The following LGSN variants were observed in gnomAD, a reference collection of about 807,000 sequenced individuals.
LGSN encodes the protein lengsin.
Under a neutral mutation model 19.5 loss-of-function variants are expected in LGSN, and 21 were observed. The observed-to-expected ratio is 1.07, with a 90% CI of 0.76 to 1.55. The LOEUF is 1.55. LGSN is among the 40% of genes most tolerant of loss of function. The pLI, the probability that LGSN is intolerant of heterozygous loss-of-function variation, is 0.00. For synonymous variants in LGSN, 257 were observed against 215.6 expected, an observed-to-expected ratio of 1.19 and a Z score of -1.68; for missense variants, 673 against 608.5, an observed-to-expected ratio of 1.11 and a Z score of -1.12.
At chr6:63,527,204 G>A in the LGSN span, among the ~76,000 whole-genome samples, 3 of 152,244 alleles carry the variant, frequency 2.0e-5, 1 homozygote, top group Middle Eastern at 3.4e-3. Context: ...AGTCTGCTTT[G>A]AAGTGCTATA....
the LGSN span, among the ~76,000 whole-genome samples, chr6:63,390,227 T>C: frequency 7.0e-6 from 1 of 142,626 alleles, no homozygotes; most frequent in Non-Finnish European, 1.5e-5. Context: ...TCTTCCAGGG[T>C]CAAGCGATTC....
At chr6:63,459,241 A>AT in the LGSN span, among the ~76,000 whole-genome samples, 1 of 152,020 alleles carries the variant, frequency 6.6e-6, no homozygotes, top group Non-Finnish European at 1.5e-5. Context: ...CTCTCAAAAG[A>AT]TTTTTTTTAT....
At chr6:63,509,739 GA>G in the LGSN span, among the ~76,000 whole-genome samples, 1 of 152,170 alleles carries the variant, frequency 6.6e-6, no homozygotes, top group Admixed American at 6.5e-5. Flanking sequence ...AGAGCTAGGG[GA>G]AATCATAAGA....
the LGSN span, among the ~76,000 whole-genome samples, chr6:63,385,839 C>T: frequency 6.6e-6 from 1 of 152,066 alleles, no homozygotes; most frequent in Non-Finnish European, 1.5e-5. Flanking sequence ...CATGGTCAAC[C>T]CAATACATAT....
At chr6:63,428,575 TC>T in the LGSN span, among the ~76,000 whole-genome samples, 1 of 152,244 alleles carries the variant, frequency 6.6e-6, no homozygotes, top group Non-Finnish European at 1.5e-5. Flanking sequence ...GGTCTCGAAC[TC>T]CTGACCTCAA....
At chr6:63,516,568 A>T in the LGSN span, among the ~76,000 whole-genome samples, 1 of 152,110 alleles carries the variant, frequency 6.6e-6, no homozygotes, top group African/African-American at 2.4e-5. Context: ...TCCATTTGTA[A>T]GTTGGGCATG....
the LGSN span, among the ~76,000 whole-genome samples, chr6:63,524,131 C>T: frequency 5.9e-5 from 9 of 152,088 alleles, no homozygotes; most frequent in Admixed American, 2.0e-4. Flanking sequence ...ACTACAGGCC[C>T]GCACCACCAC....
the LGSN span, among the ~76,000 whole-genome samples, chr6:63,542,417 C>G: frequency 6.6e-6 from 1 of 151,860 alleles, no homozygotes; most frequent in African/African-American, 2.4e-5. Context: ...CCCCAATAAC[C>G]TATGGAAATA....
At chr6:63,302,146 T>A (rs1768205357) in intron 1 of LGSN, among the ~76,000 whole-genome samples, 1 of 152,200 alleles carries the variant, frequency 6.6e-6, no homozygotes. Flanking sequence ...CTCTGAGTTA[T>A]ATTTTATGAA....
At chr6:63,302,129 T>G (rs1163308906) in intron 1 of LGSN, among the ~76,000 whole-genome samples, 1 of 152,158 alleles carries the variant, frequency 6.6e-6, no homozygotes, top group Middle Eastern at 3.2e-3. Context: ...AAATGGTACT[T>G]AACATTCTCT....
At chr6:63,444,239 G>A in the LGSN span, among the ~76,000 whole-genome samples, 1 of 152,050 alleles carries the variant, frequency 6.6e-6, no homozygotes, top group Admixed American at 6.6e-5. Context: ...AAATAGATAT[G>A]GAAACAGAAA....
the LGSN span, among the ~76,000 whole-genome samples, chr6:63,415,711 T>C: frequency 6.6e-6 from 1 of 152,238 alleles, no homozygotes. Context: ...TTTCTTGAGA[T>C]AGCTAGAGCG....
the LGSN span, among the ~76,000 whole-genome samples, chr6:63,457,148 G>T: frequency 6.6e-6 from 1 of 152,040 alleles, no homozygotes; most frequent in African/African-American, 2.4e-5. Flanking sequence ...ACCAAATATT[G>T]GTTTGACTGA....
chr6:63,341,655 G>A, the LGSN span, among the ~76,000 whole-genome samples: 2 of 152,152 alleles, frequency 1.3e-5, no homozygotes, highest in East Asian at 3.9e-4. Flanking sequence ...CACTGGAAAG[G>A]AAGGGTCCAG....
upstream of LGSN, among the ~76,000 whole-genome samples, chr6:63,321,018 A>T (rs1210696339): frequency 6.6e-6 from 1 of 152,104 alleles, no homozygotes; most frequent in Non-Finnish European, 1.5e-5. Context: ...TTGAATTTGG[A>T]CCTAGTTCTG....
the LGSN span, among the ~76,000 whole-genome samples, chr6:63,468,852 A>C: frequency 7.1e-6 from 1 of 140,918 alleles, no homozygotes; most frequent in East Asian, 2.2e-4. Flanking sequence ...GGGTTCAAGC[A>C]ATTCTCCTGC....
the LGSN span, among the ~76,000 whole-genome samples, chr6:63,505,579 A>G: frequency 4.9e-5 from 1 of 20,586 alleles, no homozygotes; most frequent in South Asian, 1.2e-3. Flanking sequence ...GAAAGAAAGA[A>G]AGAAAGAAAG....
In LGSN at chr6:63,280,378, A is replaced by G. The variant is rs1345589771; in HGVS notation, c.1173T>C (p.Cys391=). ...PTTWGYNDNS[C]IFNIKCHGEK... is the part of the protein sequence containing the mutation. ...CTCCATGACATTTGATATTAAATATACAGCTGTTGTCATTGTATCCCCATG... is the reference window on the plus strand; with the variant it reads ...CTCCATGACATTTGATATTAAATATGCAGCTGTTGTCATTGTATCCCCATG... The change falls in exon 4 of 4, where the codon TGT becomes TGC. Residue 391 remains cysteine, a synonymous_variant. Coordinates refer to ENST00000370657, the MANE Select transcript of LGSN (RefSeq NM_016571.3). The G allele has an allele frequency of 5.6e-6, 9 of 1,614,132 alleles. No homozygotes were observed. Among genetic ancestry groups the G allele is most frequent in the Non-Finnish European group, 6.8e-6 (8 of 1,180,038 alleles).
the LGSN span, among the ~76,000 whole-genome samples, chr6:63,334,040 G>T: frequency 3.3e-5 from 5 of 152,116 alleles, no homozygotes; most frequent in Non-Finnish European, 5.9e-5. Flanking sequence ...AAAGTTGAAT[G>T]CCTTTTCTCT....
Sources: allele counts gnomAD v4.1 joint callset (sites outside exome capture counted in the v4.1 genomes callset), GRCh38; gene constraint gnomAD v4.1.1; transcripts MANE v1.5; gene names NCBI Gene and HGNC (gene_info 2026-07-23, HGNC 2026-07-21).